The following FAH variants were observed in gnomAD, a reference collection of about 807,000 sequenced individuals.
FAH encodes the protein fumarylacetoacetase.
Under a neutral mutation model 55.8 loss-of-function variants are expected in FAH, and 47 were observed. That is an observed-to-expected ratio of 0.84 (90% CI 0.67 to 1.07). The LOEUF (loss-of-function observed/expected upper bound fraction) is 1.07. Among genes scored for constraint, FAH ranks in the 50% least tolerant of loss-of-function variants. The pLI is 0.00. For synonymous variants in FAH, 199 were observed against 207.7 expected, an observed-to-expected ratio of 0.96 and a Z score of 0.36; for missense variants, 495 against 545.9, an observed-to-expected ratio of 0.91 and a Z score of 0.93.
rs769733297 is a variant in FAH, at chr15:80,180,217, A to C, written c.1054A>C (p.Ser352Arg). The change falls in exon 12 of 14, where the codon AGC becomes CGC. Residue 352 changes from serine to arginine, a missense_variant. Ser to Arg is a moderately radical substitution (Grantham distance 110, BLOSUM62 -1). Coordinates refer to ENST00000561421, the MANE Select transcript of FAH (RefSeq NM_000137.4). ...PGDLLASGTISGPEPENFGSM... is the reference protein window; with the variant it reads ...PGDLLASGTIRGPEPENFGSM... The stretch of plus-strand genomic sequence containing the variant: ...GGACCTCCTGGCTTCTGGGACCATC[A>C]GCGGGCCGGTGAGTATCTGGCTGCA... 8 of 1,606,514 alleles carry C rather than the reference A, an allele frequency of 5.0e-6. No homozygotes were observed. Among genetic ancestry groups the C allele is most frequent in the Non-Finnish European group, 5.9e-6 (7 of 1,179,820 alleles).
In FAH at chr15:80,173,097, G is replaced by T. The variant is rs757288883; in HGVS notation, c.790G>T (p.Val264Leu). The change falls in exon 9 of 14, where the codon GTG becomes TTG. Residue 264 changes from valine (V) to leucine (L), a missense_variant. Coordinates refer to ENST00000561421, the MANE Select transcript of FAH (RefSeq NM_000137.4). ...SFGTTVSPWV[V>L]PMDALMPFAV... ...TGGGACCACTGTCTCTCCGTGGGTG[G>T]TGCCCATGGATGCTCTCATGCCCTT... The T allele has an allele frequency of 1.9e-6, 3 of 1,614,026 alleles. No individual in the cohort carries two copies. Among genetic ancestry groups the T allele is most frequent in the African/African-American group, 1.3e-5 (1 of 74,914 alleles).
chr15:80,172,456 G>C (rs2041249454), intron 8 of FAH, among the ~76,000 whole-genome samples: 1 of 152,012 alleles, frequency 6.6e-6, no homozygotes, highest in Admixed American at 6.6e-5. Context: ...TTCTCGAGTG[G>C]CTAGGGACAC....
chr15:80,169,987 G>T (rs2041226259), intron 7 of FAH, among the ~76,000 whole-genome samples: 1 of 152,230 alleles, frequency 6.6e-6, no homozygotes, highest in African/African-American at 2.4e-5. Context: ...TCACAACCTG[G>T]ATGTTGATGT....
At chr15:80,159,111 G>A (rs1164166812) in intron 2 of FAH, among the ~76,000 whole-genome samples, 5 of 151,994 alleles carry the variant, frequency 3.3e-5, no homozygotes, top group Admixed American at 1.3e-4. Flanking sequence ...GGCAGTGCAC[G>A]CCTGTAATCC....
chr15:80,177,699 T>C, intron 11 of FAH, 116 bp downstream of exon 11: 2 of 954,674 alleles, frequency 2.1e-6, no homozygotes, highest in Non-Finnish European at 3.4e-6. Flanking sequence ...GGTCAGCCTG[T>C]GGGCCTGGAG....
At chr15:80,173,589 G>C in intron 9 of FAH, 1 of 340,646 alleles carries the variant, frequency 2.9e-6, no homozygotes, top group South Asian at 2.3e-5. Flanking sequence ...GCACCGCTTG[G>C]TCTACCACTG....
chr15:80,174,937 G>T lies in FAH; in HGVS notation c.838-79G>T. ...CCTAGGGGAGCAGGTGCTGCTGGGG[G>T]CCTGGCTGGTATGGGGGCCCAGCCG... On this transcript the variant is annotated intron_variant, in intron 9 of 13. Transcript: ENST00000561421. 3.4e-6 allele frequency: 4 copies of T among 1,162,482 alleles called. No homozygotes were observed. In the Admixed American group the frequency reaches 6.7e-5, roughly 20 times the overall value. The allele number at this position is 1,162,482 out of a possible 1,614,324, so 72.0% of individuals were successfully genotyped here. A position where few individuals can be genotyped will look rare whatever the true frequency, so the allele number is the denominator to read the frequency against.
intron 2 of FAH, among the ~76,000 whole-genome samples, chr15:80,159,353 A>G (rs2041127799): frequency 6.6e-6 from 1 of 151,994 alleles, no homozygotes; most frequent in East Asian, 1.9e-4. Context: ...GATTACAGGC[A>G]TGAGCCATCA....
At chr15:80,166,475 A>G (rs750090675) in intron 5 of FAH, 1 of 151,406 alleles carries the variant, frequency 6.6e-6, no homozygotes, top group African/African-American at 2.4e-5. Context: ...ATACTCTGCC[A>G]GTTTATATAT....
intron 7 of FAH, among the ~76,000 whole-genome samples, chr15:80,171,943 CG>C (rs1377135223): frequency 6.6e-6 from 1 of 152,098 alleles, no homozygotes; most frequent in Admixed American, 6.6e-5. Flanking sequence ...AGGCCGATGG[CG>C]GGGGCAGGGC....
At chr15:80,177,379 C>T in intron 10 of FAH, 158 bp from the exon 11 acceptor site, 1 of 707,640 alleles carries the variant, frequency 1.4e-6, no homozygotes, top group Non-Finnish European at 2.5e-6. Context: ...AACCCTGGAC[C>T]TCCCAGCTCT....
At chr15:80,184,898 C>A (rs1441872158) in intron 13 of FAH, among the ~76,000 whole-genome samples, 1 of 152,156 alleles carries the variant, frequency 6.6e-6, no homozygotes, top group Admixed American at 6.5e-5. Context: ...GATATCCCCC[C>A]TTCCTGCTCC....
intron 2 of FAH, among the ~76,000 whole-genome samples, chr15:80,159,004 G>A (rs1023461773): frequency 3.3e-5 from 5 of 151,976 alleles, no homozygotes; most frequent in East Asian, 1.9e-4. Flanking sequence ...TTGGGAGGCC[G>A]ATGTGGGCAG....
chr15:80,184,736 C>G (rs1217188304), intron 13 of FAH, among the ~76,000 whole-genome samples: 1 of 152,122 alleles, frequency 6.6e-6, no homozygotes, highest in South Asian at 2.1e-4. Flanking sequence ...CTTCTTAGGG[C>G]CCCCCAAAGG....
chr15:80,176,312 G>A (rs375388710), intron 10 of FAH, among the ~76,000 whole-genome samples: 14 of 152,270 alleles, frequency 9.2e-5, no homozygotes, highest in Middle Eastern at 3.4e-3. Context: ...CACCATGCCC[G>A]GCCAGCTCCA....
rs34749737 is a variant in FAH at position 80,158,117 on chromosome 15, A to G, written c.139A>G (p.Lys47Glu). 1,925 of 1,614,094 alleles carry G rather than the reference A, an allele frequency of 1.2e-3. 19 individuals are homozygous for G. The African/African-American group carries it at 0.02, about 17-fold the overall frequency. ...CCAGATCCTGGACCTCAGCATCATC[A>G]AGCACCTCTTTACTGGTCCTGTCCT... ...GDQILDLSII[K>E]HLFTGPVLSK... Residue 47 changes from lysine (K) to glutamate (E), a missense_variant, in exon 2 of 14, where the codon AAG (lysine) becomes GAG (glutamate). Transcript: ENST00000561421.
At chr15:80,185,745 T>C (rs2041365242) in intron 13 of FAH, among the ~76,000 whole-genome samples, 1 of 152,172 alleles carries the variant, frequency 6.6e-6, no homozygotes, top group African/African-American at 2.4e-5. Flanking sequence ...GAGAACAGTA[T>C]GGAGGAAACC....
intron 5 of FAH, among the ~76,000 whole-genome samples, chr15:80,166,635 C>CTTTTTTTTTTT (rs768001652): frequency 8.5e-6 from 1 of 118,340 alleles, no homozygotes; most frequent in African/African-American, 3.2e-5. Context: ...TTTGCATTTT[C>CTTTTTTTTTTT]TTTTTTTTTT....
At position 80,180,204 on chromosome 15, in the gene FAH, T is replaced by C; in HGVS notation, c.1041T>C (p.Ala347=). Residue 347 remains alanine, a synonymous_variant, in exon 12 of 14, where the codon GCT becomes GCC. Transcript: ENST00000561421. ...GCNLRPGDLL[A]SGTISGPEPE... ...ACCTGCGGCCGGGGGACCTCCTGGC[T>C]TCTGGGACCATCAGCGGGCCGGTGA... 1 of 1,608,342 alleles carries C rather than the reference T, an allele frequency of 6.2e-7. No individual in the cohort carries two copies. The highest frequency in any genetic ancestry group is 1.3e-5 in the African/African-American group (1 of 75,038).
Sources: allele counts gnomAD v4.1 joint callset (sites outside exome capture counted in the v4.1 genomes callset), GRCh38; gene constraint gnomAD v4.1.1; transcripts MANE v1.5; gene names NCBI Gene and HGNC (gene_info 2026-07-23, HGNC 2026-07-21).